The following METTL22 variants were observed in gnomAD, a reference collection of about 807,000 sequenced individuals.
METTL22 encodes methyltransferase-like protein 22.
A neutral mutation model predicts 48.4 loss-of-function variants in METTL22; 51 were observed. The ratio of observed to expected loss-of-function variants is 1.05; its 90% CI spans 0.84 to 1.33. The LOEUF (loss-of-function observed/expected upper bound fraction) is 1.33. Ranked by LOEUF, METTL22 falls within the 40% of genes most tolerant of loss-of-function variation. The pLI, the probability that METTL22 is intolerant of heterozygous loss-of-function variation, is 0.00. For missense variants in METTL22, 678 were observed against 526.9 expected (o/e 1.29, Z -2.81); for synonymous variants, 255 against 214.1 (o/e 1.19, Z -1.67).
intron 3 of METTL22, among the ~76,000 whole-genome samples, chr16:8,632,511 C>T (rs115222801): frequency 1.2e-3 from 189 of 152,274 alleles, no homozygotes; most frequent in African/African-American, 4.2e-3. Flanking sequence ...GCCATCTCGA[C>T]ACATTTTGAT....
chr16:8,631,291 A>C (rs1434149670), intron 3 of METTL22: 1 of 152,242 alleles, frequency 6.6e-6, no homozygotes, highest in Non-Finnish European at 1.5e-5. Flanking sequence ...ATCTGCCAGG[A>C]ATCCACAGAC....
rs1419336932 is a variant in METTL22, at chr16:8,639,178, T to A, written c.772+16T>A. The A allele has an allele frequency of 1.2e-6, 2 of 1,613,076 alleles. No homozygotes were observed. Among genetic ancestry groups the A allele is most frequent in the Non-Finnish European group, 1.7e-6 (2 of 1,179,628 alleles). On this transcript the variant is annotated intron_variant, in intron 6 of 10. Transcript: ENST00000381920. ...GCCACTGGAGGTGAGGCCCAGGGGG[T>A]CTTCTGCCAGGGAGGGAGGTTTCTC...
At position 8,635,321 on chromosome 16, in the gene METTL22, G is replaced by A. The variant is rs1159121047; in HGVS notation, c.700+9G>A. The stretch of plus-strand genomic sequence containing the variant: ...GACCGTTTATTGTACAGGTAATGAG[G>A]TGACATCTCAGGCTGCAGGGAAGTA... On this transcript the variant is annotated intron_variant, in intron 5 of 10. Transcript: ENST00000381920. The A allele has an allele frequency of 6.5e-7, 1 of 1,538,062 alleles. No individual in the cohort carries two copies. Among genetic ancestry groups the A allele is most frequent in the Non-Finnish European group, 8.7e-7 (1 of 1,143,720 alleles).
At chr16:8,625,906 C>T (rs1483833622) in intron 2 of METTL22, 108 bp downstream of exon 2, 7 of 1,373,486 alleles carry the variant, frequency 5.1e-6, no homozygotes, top group African/African-American at 1.5e-5. Context: ...TAACTGTTAT[C>T]CTCAGACCAC....
intron 9 of METTL22, among the ~76,000 whole-genome samples, chr16:8,643,929 C>G (rs2056702312): frequency 6.6e-6 from 1 of 152,236 alleles, no homozygotes; most frequent in African/African-American, 2.4e-5. Context: ...TGTTCTTACT[C>G]CTGTTGCATG....
At chr16:8,622,514 T>C (rs1399776551) in intron 1 of METTL22, among the ~76,000 whole-genome samples, 1 of 152,184 alleles carries the variant, frequency 6.6e-6, no homozygotes, top group East Asian at 1.9e-4. Context: ...TTCTCAGCTC[T>C]GCCCAGTAAA....
the METTL22 span, among the ~76,000 whole-genome samples, chr16:8,666,110 T>C: frequency 1.3e-5 from 2 of 152,172 alleles, no homozygotes; most frequent in South Asian, 2.1e-4. Flanking sequence ...ACCCTGAGGG[T>C]GTTCTTTGGT....
intron 5 of METTL22, among the ~76,000 whole-genome samples, chr16:8,635,611 C>G (rs958624999): frequency 2.6e-5 from 4 of 152,166 alleles, no homozygotes; most frequent in Admixed American, 2.6e-4. Flanking sequence ...GCAAATATCT[C>G]CAAAAACAGG....
Position 8,646,324 on chromosome 16 carries a change from G to C in METTL22, c.*181G>C. 1 of 799,812 alleles carries C rather than the reference G, an allele frequency of 1.3e-6. No homozygotes were observed. Among genetic ancestry groups the C allele is most frequent in the Non-Finnish European group, 2.1e-6 (1 of 473,136 alleles). The allele number at this position is 799,812 out of a possible 1,614,324, so 49.5% of individuals were successfully genotyped here. ...TCCCTGCCTCCCAGTTGTAGCCAGA[G>C]AAGGTTGTTGCTGTGGGCTGGAGGT... On this transcript the variant is annotated 3_prime_UTR_variant, in exon 11 of 11. Coordinates refer to ENST00000381920, the MANE Select transcript of METTL22 (RefSeq NM_024109.4).
chr16:8,662,944 A>G, the METTL22 span, among the ~76,000 whole-genome samples: 1 of 144,904 alleles, frequency 6.9e-6, no homozygotes, highest in South Asian at 2.2e-4. Flanking sequence ...GTGGTGGCTC[A>G]CACCTGTAAC....
chr16:8,650,400 G>T (rs142220385), downstream of METTL22, among the ~76,000 whole-genome samples: 492 of 152,352 alleles, frequency 3.2e-3, 1 homozygote, highest in African/African-American at 0.011. Context: ...CTGTGTAACA[G>T]CAATGACCTT....
At chr16:8,632,530 A>T (rs2056298691) in intron 3 of METTL22, among the ~76,000 whole-genome samples, 1 of 151,996 alleles carries the variant, frequency 6.6e-6, no homozygotes, top group Non-Finnish European at 1.5e-5. Context: ...ATCTAATTAG[A>T]TGTTTTTTTC....
At chr16:8,624,669 C>T (rs936707311) in intron 1 of METTL22, among the ~76,000 whole-genome samples, 21 of 151,752 alleles carry the variant, frequency 1.4e-4, no homozygotes, top group African/African-American at 5.1e-4. Flanking sequence ...AATTTGAGAC[C>T]AGCCTGGGAA....
rs116484354 is a variant in METTL22, at chr16:8,622,653, G to A, written c.-171+878G>A. On this transcript the variant is annotated intron_variant, in intron 1 of 10. Transcript: ENST00000381920. ...TCATTATTATATTACTATAATGATA[G>A]TATTTACTATTGTTGCTTATTGAAC... 5.8e-3 allele frequency among the ~76,000 whole-genome samples: 886 copies of A among 152,234 alleles called. 11 individuals are homozygous for A. The highest frequency in any genetic ancestry group is 0.021 in the African/African-American group (853 of 41,532).
chr16:8,663,225 A>AAAAAAAAAAAAAAAGT, the METTL22 span, among the ~76,000 whole-genome samples: 1 of 123,468 alleles, frequency 8.1e-6, no homozygotes. Context: ...AAAAAAAAAA[A>AAAAAAAAAAAAAAAGT]GGTAGCCAAG....
At chr16:8,622,254 A>G (rs114892959) in intron 1 of METTL22, among the ~76,000 whole-genome samples, 1 of 152,250 alleles carries the variant, frequency 6.6e-6, no homozygotes, top group African/African-American at 2.4e-5. Context: ...CAAATTATTG[A>G]TTGTTGAGTG....
chr16:8,640,984 G>GGCTA, intron 6 of METTL22, 147 bp from the exon 7 acceptor site: 5 of 682,036 alleles, frequency 7.3e-6, no homozygotes, highest in Non-Finnish European at 1.2e-5. Flanking sequence ...CTGGCTGGCT[G>GGCTA]TAAAGATGGA....
At position 8,644,574 on chromosome 16, in the gene METTL22, G is replaced by C; in HGVS notation, c.1028G>C (p.Arg343Thr). Residue 343 changes from arginine (R) to threonine (T), a missense_variant, in exon 10 of 11, where the codon AGA becomes ACA. By Grantham distance (71) the Arg-to-Thr change is moderately conservative (BLOSUM62 -1). Coordinates refer to ENST00000381920, the MANE Select transcript of METTL22 (RefSeq NM_024109.4). Reference sequence around the variant, plus strand: ...GTTTGCAGGCTCAACTTCACATTGAGACACTTGGACGTCACATGTGAAGCC... The same window carrying C: ...GTTTGCAGGCTCAACTTCACATTGACACACTTGGACGTCACATGTGAAGCC... ...SVEKRLNFTLRHLDVTCEAYD... is the reference protein window; with the variant it reads ...SVEKRLNFTLTHLDVTCEAYD... 6.4e-7 allele frequency: 1 copy of C among 1,566,174 alleles called. No homozygotes were observed. The highest frequency in any genetic ancestry group is 8.7e-7 in the Non-Finnish European group (1 of 1,152,714).
downstream of METTL22, among the ~76,000 whole-genome samples, chr16:8,653,065 G>A (rs529749818): frequency 6.8e-4 from 104 of 152,292 alleles, no homozygotes; most frequent in South Asian, 4.1e-4. Flanking sequence ...CCGGGCAAAC[G>A]GTGGTGCTGC....
Sources: gnomAD v4.1 joint callset for allele counts (sites outside exome capture counted in the v4.1 genomes callset) on GRCh38, gnomAD v4.1.1 for gene constraint, MANE v1.5 for transcripts, NCBI Gene and HGNC (gene_info 2026-07-23, HGNC 2026-07-21) for gene names.